Variants in ROBO2 observed in about 807,000 individuals in gnomAD.
ROBO2 encodes the protein roundabout guidance receptor 2.
In ROBO2, 53 loss-of-function variants were observed where a neutral mutation model predicts 160.8. The observed-to-expected ratio is 0.33, with a 90% CI of 0.26 to 0.41. The LOEUF is 0.41. ROBO2 is among the 10% of genes least tolerant of loss of function. ROBO2 has a pLI of 1.00. For synonymous variants in ROBO2, 664 were observed against 611.7 expected (o/e 1.09, Z -1.26); for missense variants, 1,577 against 1,722.4 (o/e 0.92, Z 1.49).
intron 2 of ROBO2, among the ~76,000 whole-genome samples, chr3:76,929,834 G>C (rs907574429): frequency 1.3e-5 from 2 of 152,130 alleles, no homozygotes; most frequent in Non-Finnish European, 2.9e-5. Flanking sequence ...GAATCTCAGG[G>C]AAAAAGAGAC....
intron 24 of ROBO2, among the ~76,000 whole-genome samples, chr3:77,638,114 C>T (rs79924828): frequency 0.027 from 4,078 of 152,272 alleles, 82 homozygotes; most frequent in Admixed American, 0.061. Context: ...TGGTGCTCTA[C>T]AGGTTATCCT....
chr3:76,421,696 A>C (rs528373915), intron 2 of ROBO2, among the ~76,000 whole-genome samples: 172 of 150,868 alleles, frequency 1.1e-3, no homozygotes, highest in African/African-American at 4.1e-3. Flanking sequence ...ATTACACTTC[A>C]GTCTGGGCAA....
intron 2 of ROBO2, among the ~76,000 whole-genome samples, chr3:77,009,757 C>A (rs2061768214): frequency 1.3e-5 from 2 of 151,772 alleles, no homozygotes; most frequent in Admixed American, 1.3e-4. Context: ...ACAAGCTTGG[C>A]CATCATGGTG....
chr3:76,558,262 A>G (rs1184062097), intron 2 of ROBO2, among the ~76,000 whole-genome samples: 1 of 152,184 alleles, frequency 6.6e-6, no homozygotes, highest in East Asian at 1.9e-4. Context: ...TGATTTCATC[A>G]TAGTTTCAGA....
intron 2 of ROBO2, among the ~76,000 whole-genome samples, chr3:77,404,576 T>A (rs1423170337): frequency 6.6e-6 from 1 of 152,176 alleles, no homozygotes; most frequent in Non-Finnish European, 1.5e-5. Context: ...TCTTTGCATA[T>A]GTTCAACTGA....
intron 2 of ROBO2, among the ~76,000 whole-genome samples, chr3:75,986,577 G>A (rs1454922355): frequency 6.6e-6 from 1 of 150,674 alleles, no homozygotes; most frequent in Non-Finnish European, 1.5e-5. Context: ...TTTTTCTCTT[G>A]TTGCCTGTGC....
At position 77,565,032 on chromosome 3, in the gene ROBO2, C is replaced by T. The variant is rs199953977; in HGVS notation, c.1761C>T (p.Pro587=). ...TCTATACTGTAAGAGGACTGCGGCCCAATACAATCTACTTATTCATGGTCA... is the reference window on the plus strand; with the variant it reads ...TCTATACTGTAAGAGGACTGCGGCCTAATACAATCTACTTATTCATGGTCA... The change falls in exon 12 of 26, where the codon CCC becomes CCT. Residue 587 remains proline (P), a synonymous_variant. Coordinates refer to ENST00000461745, the Ensembl canonical transcript of ROBO2. 151 of 1,613,552 alleles carry T rather than the reference C, an allele frequency of 9.4e-5. No individual in the cohort carries two copies. The highest frequency in any genetic ancestry group is 1.2e-4 in the Non-Finnish European group (143 of 1,179,790).
At chr3:76,497,446 A>G (rs1482308848) in intron 2 of ROBO2, among the ~76,000 whole-genome samples, 1 of 152,134 alleles carries the variant, frequency 6.6e-6, no homozygotes, top group African/African-American at 2.4e-5. Context: ...TCTTCCCGCC[A>G]TGGCCTCCCA....
intron 20 of ROBO2, among the ~76,000 whole-genome samples, chr3:77,605,616 ATGGCTTTCT>A (rs1242167087): frequency 6.6e-6 from 1 of 152,176 alleles, no homozygotes; most frequent in Admixed American, 6.5e-5. Flanking sequence ...TAGGTAATGA[ATGGCTTTCT>A]TGAACTTTGG....
Position 77,057,064 on chromosome 3 carries a change from A to G in ROBO2, c.61+16218A>G, listed in dbSNP as rs2065822510. The stretch of plus-strand genomic sequence containing the variant: ...ATAGCAAAGACTTGGAACCAACCCA[A>G]ATGTCCATCAGGGATAGACTGGATT... On this transcript the variant is annotated intron_variant, in intron 1 of 25. Coordinates refer to ENST00000461745, the Ensembl canonical transcript of ROBO2. 2.0e-5 allele frequency among the ~76,000 whole-genome samples: 3 copies of G among 152,250 alleles called. No individual in the cohort carries two copies. In the Middle Eastern group the frequency reaches 0.01, roughly 518 times the overall value.
At chr3:76,179,176 A>G (rs1701379737) in intron 2 of ROBO2, among the ~76,000 whole-genome samples, 3 of 152,060 alleles carry the variant, frequency 2.0e-5, no homozygotes. Flanking sequence ...CATATTCCTG[A>G]TGGCCTACTA....
At chr3:76,554,268 A>ATACACATATCACAGC (rs1242903492) in intron 2 of ROBO2, among the ~76,000 whole-genome samples, 35 of 152,326 alleles carry the variant, frequency 2.3e-4, no homozygotes, top group Non-Finnish European at 3.8e-4. Flanking sequence ...TAAGAAAAAT[A>ATACACATATCACAGC]AATTATATAC....
chr3:76,343,724 G>A (rs1417585847), intron 2 of ROBO2, among the ~76,000 whole-genome samples: 1 of 151,948 alleles, frequency 6.6e-6, no homozygotes, highest in African/African-American at 2.4e-5. Context: ...CTTAGAAGTC[G>A]AATGCAACCA....
intron 2 of ROBO2, among the ~76,000 whole-genome samples, chr3:76,681,110 GTCTAAAAC>G (rs1336012606): frequency 6.6e-6 from 1 of 152,064 alleles, no homozygotes; most frequent in Non-Finnish European, 1.5e-5. Flanking sequence ...TTATATTATT[GTCTAAAAC>G]TCTGCCAGTG....
chr3:76,002,286 G>A (rs1479365054), intron 2 of ROBO2, among the ~76,000 whole-genome samples: 1 of 152,154 alleles, frequency 6.6e-6, no homozygotes, highest in Non-Finnish European at 1.5e-5. Flanking sequence ...TGAAGATACA[G>A]GAAGAATGCC....
intron 2 of ROBO2, among the ~76,000 whole-genome samples, chr3:77,290,412 G>T: frequency 2.3e-5 from 1 of 42,950 alleles, no homozygotes; most frequent in South Asian, 1.4e-3. Context: ...ACGGTTAAAC[G>T]GGTAAGCTGA....
chr3:76,186,836 AT>A (rs1701788572), intron 2 of ROBO2, among the ~76,000 whole-genome samples: 1 of 152,088 alleles, frequency 6.6e-6, no homozygotes, highest in South Asian at 2.1e-4. Flanking sequence ...CTTCAAAGTC[AT>A]TAACAACCAC....
In ROBO2 at chr3:76,183,205, C is replaced by T. The variant is rs193245164; in HGVS notation, c.109+245603C>T. 1.1e-4 allele frequency among the ~76,000 whole-genome samples: 16 copies of T among 152,152 alleles called. No homozygotes were observed. In the East Asian group the frequency reaches 2.5e-3, roughly 24 times the overall value. On this transcript the variant is annotated intron_variant, in intron 2 of 26. Transcript: ENST00000487694. ...CATCTCTAGGACAGCAGTCTTAGGA[C>T]ATTCCAACTTCTTACATGGCAGCTC...
intron 2 of ROBO2, among the ~76,000 whole-genome samples, chr3:77,213,685 A>G (rs1430343153): frequency 2.0e-5 from 3 of 151,742 alleles, no homozygotes; most frequent in Non-Finnish European, 4.4e-5. Context: ...TGTCAATTTT[A>G]GATCTTTCCT....
Sources: allele counts gnomAD v4.1 joint callset (sites outside exome capture counted in the v4.1 genomes callset), GRCh38; gene constraint gnomAD v4.1.1; transcripts MANE v1.5; gene names NCBI Gene and HGNC (gene_info 2026-07-23, HGNC 2026-07-21).